PAMR1: variants seen among roughly 807,000 people sequenced by gnomAD.
PAMR1 encodes the protein inactive serine protease PAMR1.
A neutral mutation model predicts 81.8 loss-of-function variants in PAMR1; 88 were observed. The observed-to-expected ratio is 1.08, with a 90% confidence interval of 0.91 to 1.28. The LOEUF is 1.28. Ranked by LOEUF, PAMR1 falls within the 50% of genes most tolerant of loss-of-function variation. The pLI is 0.00. For synonymous variants in PAMR1, 336 were observed against 345.3 expected (o/e 0.97, Z 0.30); for missense variants, 935 against 919.7 (o/e 1.02, Z -0.21).
chr11:35,459,683 G>A (rs895787614), intron 6 of PAMR1, among the ~76,000 whole-genome samples: 3 of 152,178 alleles, frequency 2.0e-5, no homozygotes, highest in Non-Finnish European at 2.9e-5. Flanking sequence ...TGGCATACTG[G>A]AAGCATGTAA....
intron 6 of PAMR1, among the ~76,000 whole-genome samples, chr11:35,448,571 A>G (rs1415258007): frequency 6.6e-6 from 1 of 152,112 alleles, no homozygotes; most frequent in African/African-American, 2.4e-5. Flanking sequence ...GCTTCTTTGC[A>G]TTGGGTTAGA....
At chr11:35,494,706 G>C (rs1407920134) in intron 1 of PAMR1, among the ~76,000 whole-genome samples, 1 of 152,168 alleles carries the variant, frequency 6.6e-6, no homozygotes, top group Non-Finnish European at 1.5e-5. Flanking sequence ...TGCCCTGCCC[G>C]AATGAGAAAG....
intron 7 of PAMR1, among the ~76,000 whole-genome samples, chr11:35,440,683 G>C (rs1315358445): frequency 1.3e-5 from 2 of 152,154 alleles, no homozygotes; most frequent in African/African-American, 4.8e-5. Context: ...ACTGCCAATG[G>C]GGAAGGTTCA....
chr11:35,464,636 G>A (rs1856725178), intron 6 of PAMR1, among the ~76,000 whole-genome samples: 1 of 152,078 alleles, frequency 6.6e-6, no homozygotes, highest in African/African-American at 2.4e-5. Flanking sequence ...GAGAACCACT[G>A]ATTTAAAATA....
At chr11:35,466,534 T>C (rs1856759638) in intron 6 of PAMR1, among the ~76,000 whole-genome samples, 2 of 152,036 alleles carry the variant, frequency 1.3e-5, no homozygotes, top group Non-Finnish European at 2.9e-5. Flanking sequence ...AAGACCATCC[T>C]GGCTAACACG....
intron 3 of PAMR1, among the ~76,000 whole-genome samples, chr11:35,484,346 A>G (rs181628917): frequency 6.6e-6 from 1 of 152,316 alleles, no homozygotes; most frequent in Admixed American, 6.5e-5. Context: ...TACCATCCCC[A>G]GTTTGAATCG....
Position 35,434,558 on chromosome 11 carries a change from A to C in PAMR1, c.1580T>G (p.Phe527Cys). 1 of 1,614,016 alleles carries C rather than the reference A, an allele frequency of 6.2e-7. No homozygotes were observed. The highest frequency in any genetic ancestry group is 8.5e-7 in the Non-Finnish European group (1 of 1,180,020). ...CTCATCCCGGTCATCATCCCGGTAG[A>C]ATTTCCCCAAAACAACTTTCAGGTC... ...TADLKVVLGKFYRDDDRDEKT... is the reference protein window; with the variant it reads ...TADLKVVLGKCYRDDDRDEKT... The change falls in exon 10 of 11, where the codon TTC (phenylalanine) becomes TGC (cysteine). Residue 527 changes from phenylalanine (F) to cysteine (C), a missense_variant. By Grantham distance (205) the Phe-to-Cys change is radical (BLOSUM62 -2). Coordinates refer to ENST00000619888, the MANE Select transcript of PAMR1 (RefSeq NM_001001991.3).
At position 35,441,526 on chromosome 11, in the gene PAMR1, G is replaced by T; in HGVS notation, c.988C>A (p.Gln330Lys). Reference protein sequence around the residue: ...VLSGNEKRTCQQNGEWSGKQP... With the variant: ...VLSGNEKRTCKQNGEWSGKQP... ...TTCCCTGACCACTCTCCATTCTGCT[G>T]GCAAGTTCTTTTCTCATTGCCACTA... Residue 330 changes from glutamine (Q) to lysine (K), a missense_variant, in exon 7 of 11, where the codon CAG becomes AAG. Gln to Lys is a moderately conservative substitution (Grantham distance 53). Coordinates refer to ENST00000619888, the MANE Select transcript of PAMR1 (RefSeq NM_001001991.3). 6.2e-7 allele frequency: 1 copy of T among 1,613,640 alleles called. No individual in the cohort carries two copies.
intron 6 of PAMR1, among the ~76,000 whole-genome samples, chr11:35,462,021 T>A (rs867992060): frequency 5.3e-5 from 8 of 150,036 alleles, no homozygotes; most frequent in Middle Eastern, 3.4e-3. Context: ...AAAATGTTAC[T>A]CTGAAGTCTT....
intron 4 of PAMR1, among the ~76,000 whole-genome samples, 173 bp from the exon 5 acceptor site, chr11:35,470,991 T>G (rs1590348369): frequency 1.3e-5 from 2 of 151,900 alleles, no homozygotes; most frequent in East Asian, 3.9e-4. Context: ...AGCAGAGGAG[T>G]ATGTATTTGT....
chr11:35,486,402 C>G (rs1402511380), intron 3 of PAMR1, among the ~76,000 whole-genome samples: 2 of 152,248 alleles, frequency 1.3e-5, no homozygotes, highest in Non-Finnish European at 2.9e-5. Context: ...AGCGCAAGCT[C>G]TAAGATGTCA....
intron 1 of PAMR1, among the ~76,000 whole-genome samples, chr11:35,503,087 G>A (rs1850883776): frequency 6.6e-6 from 1 of 152,242 alleles, no homozygotes; most frequent in African/African-American, 2.4e-5. Flanking sequence ...ATTTATTGAA[G>A]AGACTGTTCT....
chr11:35,502,437 T>G (rs1285152083), intron 1 of PAMR1, among the ~76,000 whole-genome samples: 12 of 152,148 alleles, frequency 7.9e-5, no homozygotes, highest in Admixed American at 7.9e-4. Flanking sequence ...CAGGCCCCAG[T>G]GTGGGTTATT....
intron 3 of PAMR1, among the ~76,000 whole-genome samples, chr11:35,485,017 A>G (rs913796153): frequency 6.6e-5 from 10 of 152,182 alleles, no homozygotes; most frequent in African/African-American, 2.4e-4. Context: ...AATAGCCAGC[A>G]CCCAAATCGC....
In PAMR1 at chr11:35,441,667, G is replaced by A; in HGVS notation, c.847C>T (p.Pro283Ser). 6.2e-7 allele frequency: 1 copy of A among 1,612,216 alleles called. No individual in the cohort carries two copies. The highest frequency in any genetic ancestry group is 1.1e-5 in the South Asian group (1 of 90,604). The change falls in exon 7 of 11, where the codon CCT becomes TCT. Residue 283 changes from proline (P) to serine (S), a missense_variant. Physicochemically the swap from Pro to Ser is moderately conservative, Grantham distance 74. Transcript: ENST00000619888. ...TGGTACCCATTGACTGGGCCCCCAG[G>A]GTCTGAGCAGTTTCTTTCTTCAAGG... ...NLLEERNCSD[P>S]GGPVNGYQKI... is the part of the protein sequence containing the mutation.
chr11:35,507,274 C>T (rs1480907400), intron 1 of PAMR1, among the ~76,000 whole-genome samples: 1 of 151,712 alleles, frequency 6.6e-6, no homozygotes, highest in African/African-American at 2.4e-5. Flanking sequence ...CTTGAACTCC[C>T]GACCTCAGGT....
intron 6 of PAMR1, among the ~76,000 whole-genome samples, chr11:35,463,886 T>C (rs561420509): frequency 6.6e-6 from 1 of 152,312 alleles, no homozygotes; most frequent in East Asian, 1.9e-4. Context: ...CCCATGAAAG[T>C]CTGAAGGAGA....
At chr11:35,450,702 G>A (rs1034749914) in intron 6 of PAMR1, among the ~76,000 whole-genome samples, 1 of 152,148 alleles carries the variant, frequency 6.6e-6, no homozygotes, top group South Asian at 2.1e-4. Flanking sequence ...AATGGAATTC[G>A]TTGCAGACAT....
chr11:35,495,332 C>T (rs997937907), intron 1 of PAMR1, among the ~76,000 whole-genome samples: 9 of 148,426 alleles, frequency 6.1e-5, no homozygotes, highest in Non-Finnish European at 1.3e-4. Flanking sequence ...AGTGTTCTTT[C>T]TCATAAGAAA....
Sources: allele counts gnomAD v4.1 joint callset (sites outside exome capture counted in the v4.1 genomes callset), GRCh38; gene constraint gnomAD v4.1.1; transcripts MANE v1.5; gene names NCBI Gene and HGNC (gene_info 2026-07-23, HGNC 2026-07-21).